CCNK: variants seen among roughly 807,000 people sequenced by gnomAD.
CCNK encodes cyclin-K.
A neutral mutation model predicts 65.0 loss-of-function variants in CCNK; 9 were observed. The observed-to-expected ratio is 0.14, with a 90% CI of 0.08 to 0.24. The LOEUF (loss-of-function observed/expected upper bound fraction) is 0.24. Among genes scored for constraint, CCNK ranks in the 10% least tolerant of loss-of-function variants. CCNK has a pLI of 1.00. For synonymous variants in CCNK, 279 were observed against 270.8 expected, an observed-to-expected ratio of 1.03 and a Z score of -0.30; for missense variants, 474 against 720.0, an observed-to-expected ratio of 0.66 and a Z score of 3.91.
intron 2 of CCNK, chr14:99,493,114 C>T (rs1470240051): frequency 5.2e-5 from 26 of 500,714 alleles, no homozygotes; most frequent in Non-Finnish European, 1.4e-5. Context: ...ATTAGGATCA[C>T]AGTTGAGGCT....
intron 1 of CCNK, among the ~76,000 whole-genome samples, chr14:99,485,042 T>G (rs1051879911): frequency 6.6e-6 from 1 of 152,156 alleles, no homozygotes; most frequent in Non-Finnish European, 1.5e-5. Context: ...TGTGAAAAAA[T>G]AATTGAAGAG....
At chr14:99,492,137 A>G (rs1436345424) in intron 1 of CCNK, 4 of 152,832 alleles carry the variant, frequency 2.6e-5, no homozygotes, top group Non-Finnish European at 5.8e-5. Context: ...ACCCAATCCC[A>G]TGACTTGTCT....
chr14:99,503,613 T>G lies in CCNK; in HGVS notation c.1014T>G (p.Val338=). Residue 338 remains valine, a splice_region_variant and synonymous_variant, in exon 9 of 11, where the codon GTT becomes GTG. Coordinates refer to ENST00000389879, the MANE Select transcript of CCNK (RefSeq NM_001099402.2). ...TTGTGTATTTTCTTTTGTAACAGGT[T>G]GTTTCTCCCAAAGAAGAGAACAAAG... is the stretch of plus-strand genomic sequence containing the variant. ...SSPRQVKRAV[V]VSPKEENKAA... The G allele has an allele frequency of 6.4e-7, 1 of 1,559,508 alleles. No homozygotes were observed. The highest frequency in any genetic ancestry group is 1.2e-5 in the South Asian group (1 of 84,402).
chr14:99,504,132 A>G (rs1213372859), intron 9 of CCNK: 2 of 314,290 alleles, frequency 6.4e-6, no homozygotes, highest in African/African-American at 2.3e-5. Flanking sequence ...CTAGAACCCA[A>G]AGTTAGTTCA....
At chr14:99,495,474 C>G (rs199582133) in intron 3 of CCNK, 24 bp from the exon 4 acceptor site, 2 of 1,591,680 alleles carry the variant, frequency 1.3e-6, no homozygotes, top group East Asian at 2.2e-5. Context: ...TAACAAAAAT[C>G]AAGAACTTTT....
chr14:99,496,317 T>C (rs542571487), intron 4 of CCNK, among the ~76,000 whole-genome samples: 1 of 152,338 alleles, frequency 6.6e-6, no homozygotes, highest in African/African-American at 2.4e-5. Context: ...TGCAATTAAA[T>C]AGATTTTCAA....
Position 99,498,735 on chromosome 14 carries a change from A to G in CCNK, c.412-2031A>G, listed in dbSNP as rs1390326774. Among the ~76,000 whole-genome samples the G allele has an allele frequency of 2.6e-5, 4 of 152,132 alleles. No individual in the cohort carries two copies. The East Asian group carries it at 7.7e-4, about 29-fold the overall frequency. ...ATGATGAGTTGTGGTGTACGCTGTA[A>G]AAGGTCATTTAAGGTGCTGTGATAG... is the stretch of plus-strand genomic sequence containing the variant. On this transcript the variant is annotated intron_variant, in intron 4 of 10. Coordinates refer to ENST00000389879, the MANE Select transcript of CCNK (RefSeq NM_001099402.2).
rs1896687147 is a variant in CCNK at position 99,495,711 on chromosome 14, G to A, written c.411+82G>A. On this transcript the variant is annotated intron_variant, in intron 4 of 10. Coordinates refer to ENST00000389879, the MANE Select transcript of CCNK (RefSeq NM_001099402.2). ...ACAGTTCCACATGTTGACAGTGCCTGTAGCCCTTGTGTCTGCCAGTCTCTT... is the reference window on the plus strand; with the variant it reads ...ACAGTTCCACATGTTGACAGTGCCTATAGCCCTTGTGTCTGCCAGTCTCTT... 3.2e-6 allele frequency: 4 copies of A among 1,267,102 alleles called. No homozygotes were observed. In the South Asian group the frequency reaches 7.1e-5, roughly 22 times the overall value. 78.5% of individuals were successfully genotyped at this position (1,267,102 alleles called of 1,614,324 possible).
chr14:99,492,550 C>A, intron 1 of CCNK, 76 bp from the exon 2 acceptor site: 1 of 768,350 alleles, frequency 1.3e-6, no homozygotes, highest in Non-Finnish European at 2.1e-6. Context: ...GATCCCAAAC[C>A]AGGTACAATC....
chr14:99,502,062 G>A (rs999937860), intron 6 of CCNK, 145 bp from the exon 7 acceptor site: 4 of 868,372 alleles, frequency 4.6e-6, no homozygotes, highest in Non-Finnish European at 6.5e-6. Flanking sequence ...GAAGAGTAAA[G>A]ACTTGAGTTT....
At chr14:99,486,636 T>G (rs754527038) in intron 1 of CCNK, among the ~76,000 whole-genome samples, 1 of 152,248 alleles carries the variant, frequency 6.6e-6, no homozygotes, top group South Asian at 2.1e-4. Flanking sequence ...GCTTTTTCTC[T>G]TGTCTTATCC....
intron 5 of CCNK, 157 bp downstream of exon 5, chr14:99,501,028 T>C (rs1340084252): frequency 1.6e-6 from 1 of 623,070 alleles, no homozygotes; most frequent in Admixed American, 3.2e-5. Context: ...TTGCAGCTGC[T>C]AATGCTGTTT....
intron 4 of CCNK, among the ~76,000 whole-genome samples, chr14:99,497,699 T>A (rs776897669): frequency 9.9e-5 from 15 of 152,234 alleles, no homozygotes; most frequent in Admixed American, 3.3e-4. Context: ...TATGTATGTA[T>A]ATACAAAATG....
Position 99,492,740 on chromosome 14 carries a change from G to T in CCNK, c.63G>T (p.Lys21Asn). Residue 21 changes from lysine (K) to asparagine (N), a missense_variant, in exon 2 of 11, where the codon AAG becomes AAT. By Grantham distance (94) the Lys-to-Asn change is moderately conservative. This residue lies in a region of CCNK where 87 missense variants were observed against 166.2 expected (regional missense o/e 0.52). Transcript: ENST00000389879. ...SVTSANLDHT[K>N]PCWYWDKKDL... Reference sequence around the variant, plus strand: ...CTTCAGCAAACCTGGACCACACAAAGCCATGTTGGTACTGGGATAAGAAAG... The same window carrying T: ...CTTCAGCAAACCTGGACCACACAAATCCATGTTGGTACTGGGATAAGAAAG... 1 of 1,612,588 alleles carries T rather than the reference G, an allele frequency of 6.2e-7. No homozygotes were observed. Among genetic ancestry groups the T allele is most frequent in the Non-Finnish European group, 8.5e-7 (1 of 1,179,540 alleles).
At chr14:99,499,582 A>G (rs1204260498) in intron 4 of CCNK, among the ~76,000 whole-genome samples, 1 of 152,210 alleles carries the variant, frequency 6.6e-6, no homozygotes, top group Non-Finnish European at 1.5e-5. Context: ...ATGCCAAACA[A>G]GGAATTCTCT....
Position 99,493,502 on chromosome 14 carries a change from C to G in CCNK, c.198-12C>G, listed in dbSNP as rs532206372. The G allele has an allele frequency of 3.4e-4, 539 of 1,592,010 alleles. 10 individuals are homozygous for G. The South Asian group carries it at 5.7e-3, about 17-fold the overall frequency. On this transcript the variant is annotated splice_polypyrimidine_tract_variant and intron_variant, in intron 2 of 10. Transcript: ENST00000389879. Reference sequence around the variant, plus strand: ...AAAAGTTATTGGTTAGAGTCCTTAACCAGAACAACAGACACTATGATACCC... The same window carrying G: ...AAAAGTTATTGGTTAGAGTCCTTAAGCAGAACAACAGACACTATGATACCC...
chr14:99,490,732 C>G (rs998400590), intron 1 of CCNK, among the ~76,000 whole-genome samples: 1 of 152,046 alleles, frequency 6.6e-6, no homozygotes, highest in Non-Finnish European at 1.5e-5. Flanking sequence ...TCCAGACCAT[C>G]CCGGCTAACA....
At position 99,493,484 on chromosome 14, in the gene CCNK, A is replaced by G. The variant is rs758271401; in HGVS notation, c.198-30A>G. On this transcript the variant is annotated intron_variant, in intron 2 of 10. Coordinates refer to ENST00000389879, the MANE Select transcript of CCNK (RefSeq NM_001099402.2). Reference sequence around the variant, plus strand: ...ACTAAGAGTATAACCTGTAAAAGTTATTGGTTAGAGTCCTTAACCAGAACA... The same window carrying G: ...ACTAAGAGTATAACCTGTAAAAGTTGTTGGTTAGAGTCCTTAACCAGAACA... The G allele has an allele frequency of 2.1e-6, 3 of 1,417,832 alleles. No homozygotes were observed. The Admixed American group carries it at 5.8e-5, about 28-fold the overall frequency. The allele number at this position is 1,417,832 out of a possible 1,614,324, so 87.8% of individuals were successfully genotyped here.
At chr14:99,494,777 C>T (rs1896665430) in intron 3 of CCNK, 1 of 152,256 alleles carries the variant, frequency 6.6e-6, no homozygotes, top group Admixed American at 6.5e-5. Flanking sequence ...AAACTTAACT[C>T]TTCACAGTTG....
Sources: allele counts gnomAD v4.1 joint callset (sites outside exome capture counted in the v4.1 genomes callset), GRCh38; gene constraint gnomAD v4.1.1; regional missense constraint gnomAD v4.1.1; transcripts MANE v1.5; gene names NCBI Gene and HGNC (gene_info 2026-07-23, HGNC 2026-07-21).